The following CLIP1 variants were observed in gnomAD, a reference collection of about 807,000 sequenced individuals.
CLIP1 encodes CAP-Gly domain containing linker protein 1.
A neutral mutation model predicts 161.6 loss-of-function variants in CLIP1; 66 were observed. The ratio of observed to expected loss-of-function variants is 0.41; its 90% CI spans 0.33 to 0.50. The LOEUF is 0.50. Ranked by LOEUF, CLIP1 falls within the 20% of genes least tolerant of loss-of-function variation. The pLI is 0.27. For missense variants in CLIP1, 1,376 were observed against 1,702.0 expected (o/e 0.81, Z 3.37); for synonymous variants, 598 against 626.2 (o/e 0.96, Z 0.67).
intron 21 of CLIP1, among the ~76,000 whole-genome samples, chr12:122,287,234 T>C (rs1955895826): frequency 6.6e-6 from 1 of 152,120 alleles, no homozygotes; most frequent in South Asian, 2.1e-4. Flanking sequence ...CCTAACGTCC[T>C]TTAGAATGTG....
intron 1 of CLIP1, among the ~76,000 whole-genome samples, chr12:122,388,948 A>G (rs1291851127): frequency 6.6e-6 from 1 of 152,180 alleles, no homozygotes; most frequent in Non-Finnish European, 1.5e-5. Flanking sequence ...TCTCAATGAT[A>G]TGGACATAAA....
intron 21 of CLIP1, among the ~76,000 whole-genome samples, chr12:122,284,998 A>C (rs1955791429): frequency 6.6e-6 from 1 of 151,974 alleles, no homozygotes; most frequent in Non-Finnish European, 1.5e-5. Flanking sequence ...AGAGTACAGC[A>C]GCTCTTCTCA....
intron 3 of CLIP1, among the ~76,000 whole-genome samples, chr12:122,368,305 T>TA (rs1954267417): frequency 6.6e-6 from 1 of 152,280 alleles, no homozygotes; most frequent in South Asian, 2.1e-4. Context: ...GAAATTCCTG[T>TA]AAAAAGTGTT....
intron 20 of CLIP1, among the ~76,000 whole-genome samples, chr12:122,302,355 G>A (rs1950716478): frequency 6.6e-6 from 1 of 152,092 alleles, no homozygotes; most frequent in Non-Finnish European, 1.5e-5. Flanking sequence ...GCCTGCCTCG[G>A]CCTCCCAGTG....
intron 3 of CLIP1, chr12:122,365,454 A>G (rs1451416130): frequency 1.7e-5 from 13 of 783,140 alleles, no homozygotes; most frequent in Admixed American, 8.6e-5. Flanking sequence ...TCTAAGAGCC[A>G]AGATAGCTTC....
chr12:122,295,746 CT>C (rs959413023), intron 20 of CLIP1, among the ~76,000 whole-genome samples: 2 of 152,180 alleles, frequency 1.3e-5, no homozygotes, highest in African/African-American at 4.8e-5. Flanking sequence ...TTCAATTTCT[CT>C]TTTTAATTCT....
intron 20 of CLIP1, among the ~76,000 whole-genome samples, chr12:122,309,233 C>T (rs1183940520): frequency 2.0e-5 from 3 of 152,090 alleles, no homozygotes; most frequent in Non-Finnish European, 4.4e-5. Context: ...AACATATATT[C>T]TATATTTACC....
intron 4 of CLIP1, among the ~76,000 whole-genome samples, chr12:122,362,882 G>C (rs1953940301): frequency 6.6e-6 from 1 of 151,764 alleles, no homozygotes; most frequent in Non-Finnish European, 1.5e-5. Context: ...AAGGATTACA[G>C]TGTTTTAATA....
At position 122,373,586 on chromosome 12, in the gene CLIP1, G is replaced by A. The variant is rs776781257; in HGVS notation, c.657+3803C>T. Among the ~76,000 whole-genome samples, 190 of 150,802 alleles carry A rather than the reference G, an allele frequency of 1.3e-3. 1 individual carries two copies. The highest frequency in any genetic ancestry group is 2.3e-3 in the Non-Finnish European group (154 of 67,848). On this transcript the variant is annotated intron_variant, in intron 3 of 25. Transcript: ENST00000620786. Reference sequence around the variant, plus strand: ...ACTGTTTGTGGAAACAAAAATAAAGGCTTTTTGGATTGCAATTTGGCAATA... The same window carrying A: ...ACTGTTTGTGGAAACAAAAATAAAGACTTTTTGGATTGCAATTTGGCAATA...
At chr12:122,413,874 G>C (rs1187663792) in intron 1 of CLIP1, among the ~76,000 whole-genome samples, 1 of 135,456 alleles carries the variant, frequency 7.4e-6, no homozygotes, top group Non-Finnish European at 1.6e-5. Context: ...GAGATTAAAA[G>C]AAAAAAAAAA....
intron 8 of CLIP1, 119 bp downstream of exon 8, chr12:122,352,607 T>C (rs932809097): frequency 1.5e-5 from 14 of 910,268 alleles, no homozygotes; most frequent in African/African-American, 9.7e-5. Context: ...CCCCAGAACC[T>C]TCCCCCGCCA....
intron 1 of CLIP1, among the ~76,000 whole-genome samples, chr12:122,394,488 CAAAAAAA>C (rs66683857): frequency 5.2e-5 from 3 of 57,994 alleles, no homozygotes; most frequent in East Asian, 4.3e-4. Flanking sequence ...GACGCTGTCT[CAAAAAAA>C]AAAAAAAAAA....
rs556601858 is a variant in CLIP1 at position 122,402,628 on chromosome 12, T to C, written c.-107+19893A>G. Among the ~76,000 whole-genome samples, 4 of 152,168 alleles carry C rather than the reference T, an allele frequency of 2.6e-5. No individual in the cohort carries two copies. The South Asian group carries it at 8.3e-4, about 32-fold the overall frequency. On this transcript the variant is annotated intron_variant, in intron 1 of 25. Transcript: ENST00000620786. ...CCATCTCTACTAAAAATATAAAAAT[T>C]AGTCGGATGTGGTGGTGGGCACCTA...
chr12:122,358,581 C>G lies in CLIP1; in HGVS notation c.1005+2378G>C, dbSNP rs147688294. 3.7e-3 allele frequency among the ~76,000 whole-genome samples: 563 copies of G among 152,156 alleles called. 2 individuals are homozygous for G. Among genetic ancestry groups the G allele is most frequent in the Middle Eastern group, 0.031 (9 of 294 alleles). On this transcript the variant is annotated intron_variant, in intron 5 of 25. Coordinates refer to ENST00000620786, the MANE Select transcript of CLIP1 (RefSeq NM_001247997.2). ...CATCACTTCTTAGCTATTTTACCTTCAGTGAGCTACCTGACTTCAGTTGAG... is the reference window on the plus strand; with the variant it reads ...CATCACTTCTTAGCTATTTTACCTTGAGTGAGCTACCTGACTTCAGTTGAG...
intron 1 of CLIP1, among the ~76,000 whole-genome samples, chr12:122,397,787 TA>T (rs1179979988): frequency 1.1e-4 from 16 of 146,032 alleles, no homozygotes; most frequent in Non-Finnish European, 9.1e-5. Flanking sequence ...CCATCTTTAC[TA>T]AAAAAAAAAT....
At chr12:122,318,352 G>A (rs959008319) in intron 18 of CLIP1, among the ~76,000 whole-genome samples, 14 of 152,184 alleles carry the variant, frequency 9.2e-5, no homozygotes, top group African/African-American at 2.9e-4. Flanking sequence ...GGCCAACATG[G>A]CAAAACTCCG....
chr12:122,316,968 GC>G, intron 18 of CLIP1, 113 bp from the exon 19 acceptor site: 2 of 639,214 alleles, frequency 3.1e-6, no homozygotes, highest in Non-Finnish European at 5.1e-6. Context: ...TTAGTCACTC[GC>G]AAAAAAAAAA....
Position 122,360,516 on chromosome 12 carries a change from C to T in CLIP1, c.1005+443G>A, listed in dbSNP as rs141686573. ...GCAGCAGGACTGCTTGAGCCTGGGA[C>T]GTTGAGGCTGGGTGACAAAGTGAGA... On this transcript the variant is annotated intron_variant, in intron 5 of 25. Coordinates refer to ENST00000620786, the MANE Select transcript of CLIP1 (RefSeq NM_001247997.2). Among the ~76,000 whole-genome samples the T allele has an allele frequency of 1.7e-4, 25 of 151,122 alleles. 1 individual carries two copies. Among genetic ancestry groups the T allele is most frequent in the African/African-American group, 2.2e-4 (9 of 41,130 alleles).
At chr12:122,408,414 T>C (rs1232605426) in intron 1 of CLIP1, among the ~76,000 whole-genome samples, 2 of 151,752 alleles carry the variant, frequency 1.3e-5, no homozygotes, top group Non-Finnish European at 2.9e-5. Context: ...AGTGGTGCAA[T>C]CTCAGCTCAC....
Sources: allele counts gnomAD v4.1 joint callset (sites outside exome capture counted in the v4.1 genomes callset), GRCh38; gene constraint gnomAD v4.1.1; transcripts MANE v1.5; gene names NCBI Gene and HGNC (gene_info 2026-07-23, HGNC 2026-07-21).